Variants in APBB2 observed in about 807,000 individuals in gnomAD.
The protein encoded by APBB2 is amyloid beta precursor protein binding family B member 2, also known as Fe65-like 1.
In APBB2, 38 loss-of-function variants were observed where a neutral mutation model predicts 82.5. The observed-to-expected ratio is 0.46, with a 90% CI of 0.36 to 0.60. The LOEUF (loss-of-function observed/expected upper bound fraction) is 0.60, where lower values mean the gene tolerates loss of function less well. APBB2 is among the 20% of genes least tolerant of loss of function. The pLI, the probability that APBB2 is intolerant of heterozygous loss-of-function variation, is 0.00. For synonymous variants in APBB2, 341 were observed against 368.2 expected, an observed-to-expected ratio of 0.93 and a Z score of 0.85; for missense variants, 772 against 972.3, an observed-to-expected ratio of 0.79 and a Z score of 2.74.
Position 41,028,706 on chromosome 4 carries a change from C to T in APBB2, c.19+4530G>A, listed in dbSNP as rs1448440498. Among the ~76,000 whole-genome samples, 8 of 151,928 alleles carry T rather than the reference C, an allele frequency of 5.3e-5. No homozygotes were observed. In the South Asian group the frequency reaches 8.3e-4, roughly 16 times the overall value. On this transcript the variant is annotated intron_variant, in intron 5 of 17. Coordinates refer to ENST00000508593, the MANE Select transcript of APBB2 (RefSeq NM_004307.2). Reference sequence around the variant, plus strand: ...TCTGTTTTGCAACTAAAAGAGCCCTCGTTAATACACAAAGTATTTTTTATG... The same window carrying T: ...TCTGTTTTGCAACTAAAAGAGCCCTTGTTAATACACAAAGTATTTTTTATG...
intron 12 of APBB2, among the ~76,000 whole-genome samples, chr4:40,831,427 C>G (rs1248134237): frequency 6.6e-6 from 1 of 151,810 alleles, no homozygotes; most frequent in Non-Finnish European, 1.5e-5. Context: ...AAAAACATAA[C>G]TTCAAAAGCC....
chr4:41,144,778 G>A (rs1274808558), intron 1 of APBB2, among the ~76,000 whole-genome samples: 3 of 152,100 alleles, frequency 2.0e-5, no homozygotes, highest in African/African-American at 4.8e-5. Flanking sequence ...CTCACCTATC[G>A]CATCCAAATT....
intron 1 of APBB2, among the ~76,000 whole-genome samples, chr4:41,203,446 ACAGT>A (rs1205375807): frequency 6.6e-6 from 1 of 152,200 alleles, no homozygotes; most frequent in East Asian, 1.9e-4. Context: ...ATGAATAAGA[ACAGT>A]CAGTGTTAGT....
At position 40,810,494 on chromosome 4, in the gene APBB2, CTT is replaced by C. The variant is rs60782852; in HGVS notation, c.*5596_*5597del. On this transcript the variant is annotated 3_prime_UTR_variant, in exon 18 of 18. Coordinates refer to ENST00000508593, the MANE Select transcript of APBB2 (RefSeq NM_004307.2). Reference sequence around the variant, plus strand: ...TTAGGAGGCTGAGGTACGAGGATCTCTTGAGTCCAGGAGGTGCAGGTTGCAGT... The same window carrying C: ...TTAGGAGGCTGAGGTACGAGGATCTCGAGTCCAGGAGGTGCAGGTTGCAGT... The C allele has an allele frequency of 0.017, 2,415 of 144,460 alleles. 66 individuals are homozygous for C. Among genetic ancestry groups the C allele is most frequent in the African/African-American group, 0.059 (2,307 of 39,110 alleles). The allele number at this position is 144,460 out of a possible 1,614,324, so 8.9% of individuals were successfully genotyped here.
At chr4:41,096,327 TC>T (rs1027128751) in intron 3 of APBB2, among the ~76,000 whole-genome samples, 5 of 152,156 alleles carry the variant, frequency 3.3e-5, no homozygotes, top group Non-Finnish European at 7.3e-5. Context: ...AAGTTACTTT[TC>T]CCCCGAGTTT....
intron 3 of APBB2, among the ~76,000 whole-genome samples, chr4:41,083,230 TA>T (rs1038020083): frequency 2.0e-5 from 3 of 151,740 alleles, no homozygotes; most frequent in Non-Finnish European, 4.4e-5. Flanking sequence ...ATAACAGGAA[TA>T]AAAAAATAAG....
intron 2 of APBB2, among the ~76,000 whole-genome samples, chr4:41,109,511 C>A (rs1748429649): frequency 6.6e-6 from 1 of 151,904 alleles, no homozygotes; most frequent in South Asian, 2.1e-4. Context: ...CGCTCTGTCA[C>A]CCAGGCTGGA....
chr4:40,978,223 ATTC>A (rs1385332991), intron 6 of APBB2, among the ~76,000 whole-genome samples: 2 of 152,236 alleles, frequency 1.3e-5, no homozygotes, highest in East Asian at 1.9e-4. Context: ...TAAGTCACAT[ATTC>A]TTCTAGTCAC....
Position 40,830,425 on chromosome 4 carries a change from AAG to A in APBB2, c.1644+36_1644+37del, listed in dbSNP as rs201879339. 2,945 of 1,439,462 alleles carry A rather than the reference AAG, an allele frequency of 2.0e-3. 23 individuals are homozygous for A. The highest frequency in any genetic ancestry group is 0.014 in the African/African-American group (998 of 71,656). The allele number at this position is 1,439,462 out of a possible 1,614,324, so 89.2% of individuals were successfully genotyped here. On this transcript the variant is annotated intron_variant, in intron 13 of 17. Transcript: ENST00000508593. Reference sequence around the variant, plus strand: ...ACATCCTTTTATGCAGCAAGAAAAAAAGAGAGAGGCGGCCCATACTGCCCTGA... The same window carrying A: ...ACATCCTTTTATGCAGCAAGAAAAAAAGAGAGGCGGCCCATACTGCCCTGA...
rs1198053597 is a variant in APBB2 at position 40,836,055 on chromosome 4, C to G, written c.1530-5478G>C. Among the ~76,000 whole-genome samples the G allele has an allele frequency of 4.6e-5, 7 of 152,286 alleles. No homozygotes were observed. In the East Asian group the frequency reaches 1.4e-3, roughly 29 times the overall value. ...GTGTGGGGTGCTTGTGCTTGAGGAG[C>G]ACCAGGTGACGAGGCCCACCAAGCA... On this transcript the variant is annotated intron_variant, in intron 12 of 17. Coordinates refer to ENST00000508593, the MANE Select transcript of APBB2 (RefSeq NM_004307.2).
chr4:41,205,544 A>T (rs117634094), intron 1 of APBB2, among the ~76,000 whole-genome samples: 1 of 152,300 alleles, frequency 6.6e-6, no homozygotes, highest in East Asian at 1.9e-4. Context: ...GAGATGAGAC[A>T]ATGGGAAATA....
intron 12 of APBB2, among the ~76,000 whole-genome samples, chr4:40,861,781 A>C (rs1199411963): frequency 2.6e-5 from 4 of 151,260 alleles, no homozygotes; most frequent in African/African-American, 9.8e-5. Flanking sequence ...CTGTTACTGT[A>C]GTAACTGAGT....
At chr4:40,840,866 AAGG>A (rs1371983112) in intron 12 of APBB2, among the ~76,000 whole-genome samples, 2 of 152,078 alleles carry the variant, frequency 1.3e-5, no homozygotes, top group East Asian at 1.9e-4. Context: ...TCACATAAAC[AAGG>A]AGGATAGGAA....
Position 40,832,239 on chromosome 4 carries a change from G to C in APBB2, c.1530-1662C>G, listed in dbSNP as rs900278996. ...TCCCCAAGAAAGCCTTGGCGGCCTT[G>C]GGAAGGGACAGGGATTTACTATAGC... On this transcript the variant is annotated intron_variant, in intron 12 of 17. Transcript: ENST00000508593. The surrounding 1 kb of genome is among the most constrained non-coding windows in gnomAD (Gnocchi z 4.8). Among the ~76,000 whole-genome samples, 1 of 152,126 alleles carries C rather than the reference G, an allele frequency of 6.6e-6. No individual in the cohort carries two copies. The highest frequency in any genetic ancestry group is 1.5e-5 in the Non-Finnish European group (1 of 68,026).
At chr4:40,848,805 C>T in intron 12 of APBB2, 1 of 965,458 alleles carries the variant, frequency 1.0e-6, no homozygotes, top group African/African-American at 1.8e-5. Context: ...TGCTGATCGG[C>T]TGCTTGGTCT....
intron 5 of APBB2, among the ~76,000 whole-genome samples, chr4:41,025,845 G>C (rs767578575): frequency 2.0e-5 from 3 of 150,540 alleles, no homozygotes; most frequent in Non-Finnish European, 3.0e-5. Context: ...TCTTGAAGCT[G>C]GGATGGTGGG....
At chr4:41,058,839 T>C (rs560527647) in intron 4 of APBB2, among the ~76,000 whole-genome samples, 57 of 152,202 alleles carry the variant, frequency 3.7e-4, no homozygotes, top group African/African-American at 1.3e-3. Context: ...GCTCTGCCTG[T>C]TTCAAACACG....
intron 4 of APBB2, among the ~76,000 whole-genome samples, chr4:41,043,574 T>C (rs188307816): frequency 1.3e-5 from 2 of 152,210 alleles, no homozygotes; most frequent in African/African-American, 2.4e-5. Context: ...ACAAAACAAA[T>C]AGCTTACTAC....
intron 17 of APBB2, 43 bp from the exon 18 acceptor site, chr4:40,816,302 T>C: frequency 6.2e-7 from 1 of 1,604,178 alleles, no homozygotes; most frequent in Non-Finnish European, 8.5e-7. Context: ...TAACAACATA[T>C]TATTTCATCT....
Sources: gnomAD v4.1 joint callset for allele counts (sites outside exome capture counted in the v4.1 genomes callset) on GRCh38, gnomAD v4.1.1 for gene constraint, Gnocchi (gnomAD v3.1) non-coding constraint, MANE v1.5 for transcripts, NCBI Gene and HGNC (gene_info 2026-07-23, HGNC 2026-07-21) for gene names.